SOX5: variants seen among roughly 807,000 people sequenced by gnomAD.
SOX5 encodes the protein SRY-box transcription factor 5, also known as transcription factor SOX-5.
Under a neutral mutation model 92.0 loss-of-function variants are expected in SOX5, and 9 were observed. The ratio of observed to expected loss-of-function variants is 0.10; its 90% CI spans 0.06 to 0.17. SOX5 has a LOEUF of 0.17. SOX5 is among the 10% of genes least tolerant of loss of function. The pLI, the probability that SOX5 is intolerant of heterozygous loss-of-function variation, is 1.00. For missense variants in SOX5, 642 were observed against 944.5 expected (o/e 0.68, Z 4.20); for synonymous variants, 344 against 336.3 (o/e 1.02, Z -0.25).
intron 8 of SOX5, among the ~76,000 whole-genome samples, chr12:23,626,622 CA>C (rs2077824686): frequency 2.0e-5 from 3 of 148,820 alleles, no homozygotes; most frequent in Admixed American, 2.0e-4. Flanking sequence ...TCACAAGGTG[CA>C]GAGTTTCCTT....
intron 4 of SOX5, among the ~76,000 whole-genome samples, chr12:23,998,724 C>A (rs12814518): frequency 0.43 from 63,779 of 148,032 alleles, 15,137 homozygotes; most frequent in Non-Finnish European, 0.54. Context: ...TTCCTTGAAC[C>A]TCGGAGGCGG....
intron 4 of SOX5, among the ~76,000 whole-genome samples, chr12:23,956,109 T>C (rs1320810366): frequency 6.6e-6 from 1 of 152,212 alleles, no homozygotes; most frequent in Non-Finnish European, 1.5e-5. Context: ...TTGAAAAATT[T>C]CCTTCATTTT....
chr12:24,529,024 A>G (rs1250476366), intron 1 of SOX5, among the ~76,000 whole-genome samples: 1 of 152,186 alleles, frequency 6.6e-6, no homozygotes, highest in Non-Finnish European at 1.5e-5. Context: ...AATATGTATC[A>G]CTGTGTCCTT....
intron 2 of SOX5, among the ~76,000 whole-genome samples, chr12:23,857,107 T>C (rs2096701281): frequency 6.6e-6 from 1 of 152,034 alleles, no homozygotes; most frequent in South Asian, 2.1e-4. Flanking sequence ...AATTTTACAG[T>C]GCATATACAC....
At chr12:23,699,287 C>T (rs2090303480) in intron 6 of SOX5, among the ~76,000 whole-genome samples, 1 of 152,146 alleles carries the variant, frequency 6.6e-6, no homozygotes, top group African/African-American at 2.4e-5. Context: ...TGGACAGTCA[C>T]TGTGGGCTCT....
chr12:23,665,408 C>T, intron 7 of SOX5, 36 bp downstream of exon 7: 2 of 1,611,232 alleles, frequency 1.2e-6, no homozygotes, highest in Non-Finnish European at 1.7e-6. Flanking sequence ...GCTTTGCCCT[C>T]CACCCACTCC....
chr12:23,935,448 G>A (rs1942331806), intron 1 of SOX5, among the ~76,000 whole-genome samples: 1 of 151,154 alleles, frequency 6.6e-6, no homozygotes, highest in African/African-American at 2.4e-5. Flanking sequence ...AACTTTTTAA[G>A]CAAAAATACT....
At chr12:24,338,125 C>G (rs1952120437) in intron 2 of SOX5, among the ~76,000 whole-genome samples, 1 of 151,956 alleles carries the variant, frequency 6.6e-6, no homozygotes, top group South Asian at 2.1e-4. Context: ...GAATATAAAT[C>G]CTGTAAACCC....
chr12:23,985,615 A>G (rs1384739759), intron 4 of SOX5, among the ~76,000 whole-genome samples: 1 of 152,200 alleles, frequency 6.6e-6, no homozygotes, highest in Admixed American at 6.5e-5. Flanking sequence ...GCCTTCATAG[A>G]TACACATAGA....
At chr12:24,323,612 T>C (rs1950409383) in intron 2 of SOX5, among the ~76,000 whole-genome samples, 1 of 152,008 alleles carries the variant, frequency 6.6e-6, no homozygotes, top group Admixed American at 6.6e-5. Context: ...ATGAGGAAAA[T>C]AAAAATGCCC....
intron 8 of SOX5, among the ~76,000 whole-genome samples, chr12:23,640,312 G>T (rs142184343): frequency 3.3e-5 from 5 of 152,234 alleles, no homozygotes; most frequent in Non-Finnish European, 7.4e-5. Flanking sequence ...ATAAAGTTGT[G>T]CTTATTTAGT....
At position 23,704,538 on chromosome 12, in the gene SOX5, G is replaced by A. The variant is rs12297387; in HGVS notation, c.810+30146C>T. On this transcript the variant is annotated intron_variant, in intron 6 of 14. Transcript: ENST00000451604. ...CTACAAACAATAAGGTGAGGGTGACGTATAACGACACCTAGGAAAGTTGTT... is the reference window on the plus strand; with the variant it reads ...CTACAAACAATAAGGTGAGGGTGACATATAACGACACCTAGGAAAGTTGTT... 3.3e-3 allele frequency among the ~76,000 whole-genome samples: 503 copies of A among 151,224 alleles called. 2 individuals carry two copies. Among genetic ancestry groups the A allele is most frequent in the African/African-American group, 0.011 (463 of 41,340 alleles).
rs920667462 is a variant in SOX5, at chr12:23,813,588, A to T, written c.481+32395T>A. ...TAAAAGTATATGTTGTTCTATAATC[A>T]TTATCACAGGTAGAAACCTATCTTC... On this transcript the variant is annotated intron_variant, in intron 3 of 14. Transcript: ENST00000451604. 2.6e-5 allele frequency among the ~76,000 whole-genome samples: 4 copies of T among 152,178 alleles called. No individual in the cohort carries two copies. The East Asian group carries it at 5.8e-4, about 22-fold the overall frequency.
intron 2 of SOX5, among the ~76,000 whole-genome samples, chr12:24,280,173 C>A (rs1347477121): frequency 6.6e-6 from 1 of 152,166 alleles, no homozygotes; most frequent in African/African-American, 2.4e-5. Flanking sequence ...GAAGGACAGA[C>A]CCATTTCTGC....
At chr12:23,720,019 T>C (rs912095181) in intron 6 of SOX5, among the ~76,000 whole-genome samples, 8 of 152,176 alleles carry the variant, frequency 5.3e-5, no homozygotes, top group African/African-American at 1.9e-4. Flanking sequence ...GAAGTATTTA[T>C]ACACCTCAAG....
At chr12:23,931,823 A>C (rs891348992) in intron 1 of SOX5, among the ~76,000 whole-genome samples, 2 of 151,608 alleles carry the variant, frequency 1.3e-5, no homozygotes, top group African/African-American at 4.8e-5. Context: ...AACAAAATAC[A>C]CTTATACAAT....
chr12:24,245,433 A>T (rs1397760971), intron 3 of SOX5, among the ~76,000 whole-genome samples: 5 of 152,212 alleles, frequency 3.3e-5, no homozygotes, highest in East Asian at 1.9e-4. Context: ...AACACACTTT[A>T]AAAAACTTAT....
rs180801969 is a variant in SOX5 at position 24,236,848 on chromosome 12, G to A, written c.-76-23431C>T. On this transcript the variant is annotated intron_variant, in intron 3 of 4. Coordinates refer to the SOX5 transcript ENST00000446891. Reference sequence around the variant, plus strand: ...GAGTGCAGGTGAAAGTAATAAACACGTGGGGGCACTGAGTGAAAGGTCAAT... The same window carrying A: ...GAGTGCAGGTGAAAGTAATAAACACATGGGGGCACTGAGTGAAAGGTCAAT... Among the ~76,000 whole-genome samples, 39 of 152,002 alleles carry A rather than the reference G, an allele frequency of 2.6e-4. No homozygotes were observed. The East Asian group carries it at 3.5e-3, about 14-fold the overall frequency.
chr12:24,396,528 C>A (rs768920461), intron 1 of SOX5, among the ~76,000 whole-genome samples: 1 of 152,216 alleles, frequency 6.6e-6, no homozygotes, highest in South Asian at 2.1e-4. Context: ...GGCTGGTTAA[C>A]CCCGTTGGTG....
Sources: allele counts gnomAD v4.1 joint callset (sites outside exome capture counted in the v4.1 genomes callset), GRCh38; gene constraint gnomAD v4.1.1; transcripts MANE v1.5; gene names NCBI Gene and HGNC (gene_info 2026-07-23, HGNC 2026-07-21).